Variants in CHST9 observed in about 807,000 individuals in gnomAD.
CHST9 encodes the protein GalNAc-4-sulfotransferase 2.
In CHST9, 41 loss-of-function variants were observed where a neutral mutation model predicts 44.4. That is an observed-to-expected ratio of 0.92 (90% CI 0.72 to 1.20). The LOEUF is 1.20. Ranked by LOEUF, CHST9 falls within the 50% of genes most tolerant of loss-of-function variation. The pLI is 0.00. For missense variants in CHST9, 504 were observed against 516.5 expected (o/e 0.98, Z 0.23); for synonymous variants, 171 against 178.4 (o/e 0.96, Z 0.33).
chr18:26,953,997 C>G (rs534892926), intron 4 of CHST9, among the ~76,000 whole-genome samples: 1 of 152,138 alleles, frequency 6.6e-6, no homozygotes, highest in Non-Finnish European at 1.5e-5. Context: ...GGTGCAAATA[C>G]GCCCATTATA....
At chr18:27,029,454 C>T (rs76250256) in intron 3 of CHST9, among the ~76,000 whole-genome samples, 1 of 152,000 alleles carries the variant, frequency 6.6e-6, no homozygotes, top group Admixed American at 6.6e-5. Flanking sequence ...ACCAAGGAAC[C>T]AAGGGTGGGA....
chr18:27,022,378 T>C (rs1568136821), intron 4 of CHST9, among the ~76,000 whole-genome samples: 2 of 152,186 alleles, frequency 1.3e-5, no homozygotes, highest in South Asian at 2.1e-4. Context: ...GATTCTATTG[T>C]GTGTTCCTAA....
Position 27,024,168 on chromosome 18 carries a change from A to G in CHST9, c.161-11T>C. On this transcript the variant is annotated splice_polypyrimidine_tract_variant and intron_variant, in intron 3 of 5. Coordinates refer to ENST00000618847, the MANE Select transcript of CHST9 (RefSeq NM_031422.6). ...TCACTGGTCCCCATCCTGAAAAAGAAGAGGAAAGAAATTCATATATTACCA... is the reference window on the plus strand; with the variant it reads ...TCACTGGTCCCCATCCTGAAAAAGAGGAGGAAAGAAATTCATATATTACCA... 4 of 1,609,376 alleles carry G rather than the reference A, an allele frequency of 2.5e-6. No homozygotes were observed. Among genetic ancestry groups the G allele is most frequent in the Non-Finnish European group, 3.4e-6 (4 of 1,178,016 alleles).
intron 4 of CHST9, among the ~76,000 whole-genome samples, chr18:26,956,916 A>G (rs1276711840): frequency 6.6e-6 from 1 of 152,094 alleles, no homozygotes; most frequent in Admixed American, 6.6e-5. Flanking sequence ...CTTTTAGGCT[A>G]TTTTTATTCA....
chr18:27,166,867 G>A (rs2058794676), intron 1 of CHST9, among the ~76,000 whole-genome samples: 1 of 152,112 alleles, frequency 6.6e-6, no homozygotes, highest in South Asian at 2.1e-4. Context: ...CCTTCATAGG[G>A]AAATGAAGAC....
chr18:27,168,719 T>C (rs1168411876), intron 1 of CHST9, among the ~76,000 whole-genome samples: 1 of 152,200 alleles, frequency 6.6e-6, no homozygotes, highest in Non-Finnish European at 1.5e-5. Flanking sequence ...GAAACCTCAA[T>C]AGTCCTCTAT....
intron 3 of CHST9, among the ~76,000 whole-genome samples, chr18:27,043,910 T>C (rs1424870786): frequency 6.6e-6 from 1 of 152,050 alleles, no homozygotes. Flanking sequence ...ATGACTCTGT[T>C]CCAGGCTTAT....
intron 4 of CHST9, among the ~76,000 whole-genome samples, chr18:27,002,937 TA>T (rs1437801528): frequency 2.0e-5 from 3 of 152,120 alleles, no homozygotes; most frequent in South Asian, 2.1e-4. Context: ...TTTACTAAGT[TA>T]AAAAACTGAA....
intron 2 of CHST9, among the ~76,000 whole-genome samples, chr18:27,095,100 C>T (rs2058104720): frequency 6.6e-6 from 1 of 152,082 alleles, no homozygotes; most frequent in African/African-American, 2.4e-5. Context: ...GTTTAACTCA[C>T]AATTTTCCAG....
chr18:26,948,435 C>T (rs557193064), intron 4 of CHST9, among the ~76,000 whole-genome samples: 26 of 152,264 alleles, frequency 1.7e-4, no homozygotes, highest in African/African-American at 6.0e-4. Context: ...TAAAAGACCA[C>T]TCAACTCTGG....
chr18:26,980,113 C>T (rs561430809), intron 4 of CHST9, among the ~76,000 whole-genome samples: 1 of 152,254 alleles, frequency 6.6e-6, no homozygotes, highest in East Asian at 1.9e-4. Context: ...AGGAAGCCAC[C>T]TCTGTTTCCC....
intron 4 of CHST9, among the ~76,000 whole-genome samples, chr18:27,010,267 C>T (rs2057066932): frequency 6.6e-6 from 1 of 152,100 alleles, no homozygotes; most frequent in Non-Finnish European, 1.5e-5. Context: ...CTCTCATGGT[C>T]TATGTTTTTT....
intron 4 of CHST9, among the ~76,000 whole-genome samples, chr18:26,981,584 G>A (rs1399799116): frequency 1.3e-5 from 2 of 152,142 alleles, no homozygotes; most frequent in African/African-American, 2.4e-5. Context: ...CCATAAACAC[G>A]AACTCATTTT....
At chr18:27,044,547 C>T (rs2057478254) in intron 3 of CHST9, among the ~76,000 whole-genome samples, 1 of 151,904 alleles carries the variant, frequency 6.6e-6, no homozygotes, top group Non-Finnish European at 1.5e-5. Flanking sequence ...ATGGGCTTTT[C>T]AAGGATAATA....
chr18:27,022,024 A>G (rs2057232682), intron 4 of CHST9, among the ~76,000 whole-genome samples: 1 of 152,184 alleles, frequency 6.6e-6, no homozygotes, highest in African/African-American at 2.4e-5. Context: ...GAGGTCACCC[A>G]GCATGTGTTC....
intron 1 of CHST9, among the ~76,000 whole-genome samples, chr18:27,175,950 G>A (rs1484326051): frequency 6.6e-6 from 1 of 151,974 alleles, no homozygotes; most frequent in Non-Finnish European, 1.5e-5. Context: ...TTCAATTTAG[G>A]GGTAAGAGAT....
chr18:27,184,431 C>A (rs1255115525), intron 1 of CHST9, among the ~76,000 whole-genome samples: 1 of 152,162 alleles, frequency 6.6e-6, no homozygotes, highest in African/African-American at 2.4e-5. Flanking sequence ...AGGGAGCAGG[C>A]AACCCTGTGA....
intron 4 of CHST9, among the ~76,000 whole-genome samples, chr18:27,007,167 TC>T (rs1239987644): frequency 6.6e-6 from 1 of 152,238 alleles, no homozygotes; most frequent in Non-Finnish European, 1.5e-5. Context: ...TATGACATTT[TC>T]TGCTTAAGTA....
intron 1 of CHST9, among the ~76,000 whole-genome samples, chr18:27,155,275 C>T (rs1033331239): frequency 5.3e-5 from 8 of 152,096 alleles, no homozygotes; most frequent in Admixed American, 2.0e-4. Context: ...ATTCCAGATG[C>T]TTAGCACAGG....
Sources: allele counts gnomAD v4.1 joint callset (sites outside exome capture counted in the v4.1 genomes callset), GRCh38; gene constraint gnomAD v4.1.1; transcripts MANE v1.5; gene names NCBI Gene and HGNC (gene_info 2026-07-23, HGNC 2026-07-21).